Variants in ASB7 observed in about 807,000 individuals in gnomAD.
ASB7 encodes the protein ankyrin repeat and SOCS box protein 7.
ASB7 carries 4 observed loss-of-function variants against 32.5 expected under a neutral mutation model. The observed-to-expected ratio is 0.12, with a 90% CI of 0.06 to 0.28. The LOEUF is 0.28. Ranked by LOEUF, ASB7 falls within the 10% of genes least tolerant of loss-of-function variation. The probability of loss-of-function intolerance (pLI) is 1.00; values close to 1 mark genes in which losing one functional copy is unlikely to be tolerated. For synonymous variants in ASB7, 172 were observed against 155.6 expected, an observed-to-expected ratio of 1.11 and a Z score of -0.78; for missense variants, 181 against 407.1, an observed-to-expected ratio of 0.44 and a Z score of 4.78.
chr15:100,646,164 A>G, intron 5 of ASB7: 1 of 411,610 alleles, frequency 2.4e-6, no homozygotes, highest in Non-Finnish European at 4.8e-6. Flanking sequence ...ATAAGAGAAT[A>G]GTCTGATCCA....
intron 3 of ASB7, 22 bp from the exon 4 acceptor site, chr15:100,612,144 T>G (rs2039701677): frequency 1.5e-6 from 2 of 1,355,092 alleles, no homozygotes; most frequent in Non-Finnish European, 2.1e-6. Flanking sequence ...AATTTTACCT[T>G]TTCTACCTTC....
At chr15:100,612,087 T>C (rs913668777) in intron 3 of ASB7, 79 bp from the exon 4 acceptor site, 7 of 775,916 alleles carry the variant, frequency 9.0e-6, no homozygotes, top group Middle Eastern at 3.7e-4. Flanking sequence ...GCAAATGGAA[T>C]GTTCTGTGAT....
At chr15:100,615,782 G>A (rs1408366345) in intron 4 of ASB7, among the ~76,000 whole-genome samples, 1 of 152,156 alleles carries the variant, frequency 6.6e-6, no homozygotes, top group African/African-American at 2.4e-5. Context: ...TCCTCCTCTT[G>A]ATTTTTTCAC....
intron 4 of ASB7, among the ~76,000 whole-genome samples, chr15:100,622,768 A>T (rs910281075): frequency 6.6e-6 from 1 of 152,202 alleles, no homozygotes; most frequent in East Asian, 1.9e-4. Flanking sequence ...CCTGTCTCTC[A>T]CCATATGCAA....
Position 100,629,168 on chromosome 15 carries a change from T to C in ASB7, c.212-269T>C, listed in dbSNP as rs987320419. ...AAATTAGCAAAGACAGGGGATGTGG[T>C]GATCTGTACTCCGTGTTTTTTGTGT... On this transcript the variant is annotated intron_variant, in intron 4 of 5. Transcript: ENST00000332783. This position sits in a 1 kb window ranked among gnomAD's most constrained non-coding sequence, Gnocchi z 6.8. 3.3e-5 allele frequency among the ~76,000 whole-genome samples: 5 copies of C among 152,222 alleles called. No homozygotes were observed. The highest frequency in any genetic ancestry group is 1.2e-4 in the African/African-American group (5 of 41,454).
At position 100,609,772 on chromosome 15, in the gene ASB7, G is replaced by A. The variant is rs1048733999; in HGVS notation, c.-108G>A. ...GAAGCCCCTCCCCACGATGCTGTAC[G>A]TGCACAATGGTTACTAGGCAATCCG... is the stretch of plus-strand genomic sequence containing the variant. On this transcript the variant is annotated 5_prime_UTR_variant, in exon 3 of 6. The change creates a new upstream start codon in the 5' untranslated region. Coordinates refer to ENST00000332783, the MANE Select transcript of ASB7 (RefSeq NM_198243.3). 1.3e-5 allele frequency: 2 copies of A among 152,156 alleles called. No homozygotes were observed. The highest frequency in any genetic ancestry group is 2.9e-5 in the Non-Finnish European group (2 of 68,024). 9.4% of individuals were successfully genotyped at this position (152,156 alleles called of 1,614,324 possible).
Position 100,612,421 on chromosome 15 carries a change from C to A in ASB7, c.205C>A (p.His69Asn). The A allele has an allele frequency of 6.2e-7, 1 of 1,610,234 alleles. No individual in the cohort carries two copies. The highest frequency in any genetic ancestry group is 8.5e-7 in the Non-Finnish European group (1 of 1,176,342). ...AAGATGTGTTCGGGTTTTTCTAGAA[C>A]ACGGAGGTGAGTTTTGTAGAAGCAA... ...KERCVRVFLEHGADPTVKDLI... is the reference protein window; with the variant it reads ...KERCVRVFLENGADPTVKDLI... The change falls in exon 4 of 6, where the codon CAC (histidine) becomes AAC (asparagine). Residue 69 changes from histidine to asparagine, a missense_variant. By Grantham distance (68) the His-to-Asn change is moderately conservative. Transcript: ENST00000332783.
intron 2 of ASB7, among the ~76,000 whole-genome samples, chr15:100,607,547 C>T (rs112166695): frequency 4.2e-4 from 64 of 152,206 alleles, no homozygotes; most frequent in African/African-American, 1.3e-3. Context: ...TTCTGGTAAA[C>T]GTTGATGCAC....
intron 4 of ASB7, among the ~76,000 whole-genome samples, chr15:100,614,272 CAA>C (rs36083050): frequency 4.2e-4 from 37 of 88,494 alleles, no homozygotes; most frequent in Admixed American, 3.6e-4. Context: ...AAACTCTGCT[CAA>C]AAAAAAAAAA....
At chr15:100,631,056 T>C (rs1456923091) in intron 5 of ASB7, among the ~76,000 whole-genome samples, 1 of 152,186 alleles carries the variant, frequency 6.6e-6, no homozygotes, top group Non-Finnish European at 1.5e-5. Flanking sequence ...ACACATTTGC[T>C]TTATGAAGAA....
intron 4 of ASB7, among the ~76,000 whole-genome samples, chr15:100,613,344 A>C (rs1476205692): frequency 1.3e-5 from 2 of 152,264 alleles, no homozygotes; most frequent in Admixed American, 1.3e-4. Context: ...TATGAGGGTC[A>C]TGTGAATAAT....
intron 5 of ASB7, chr15:100,638,586 A>G (rs1197521607): frequency 6.6e-6 from 1 of 152,228 alleles, no homozygotes; most frequent in African/African-American, 2.4e-5. Flanking sequence ...GCAGTAACAT[A>G]TCAAAGGGGC....
intron 5 of ASB7, among the ~76,000 whole-genome samples, chr15:100,643,119 C>A (rs918674430): frequency 3.9e-5 from 6 of 152,034 alleles, no homozygotes; most frequent in Admixed American, 2.6e-4. Flanking sequence ...GGGAGCTCAG[C>A]CAGGGTTGTC....
chr15:100,608,382 A>T (rs535972658), intron 2 of ASB7, among the ~76,000 whole-genome samples: 1 of 152,352 alleles, frequency 6.6e-6, no homozygotes, highest in East Asian at 1.9e-4. Flanking sequence ...TGAACAACAG[A>T]TGTGTTTCTC....
intron 4 of ASB7, among the ~76,000 whole-genome samples, chr15:100,615,948 C>T (rs754682950): frequency 3.3e-5 from 5 of 152,176 alleles, no homozygotes; most frequent in Non-Finnish European, 7.4e-5. Flanking sequence ...CTTGAATGAT[C>T]GTGTTACATT....
chr15:100,629,884 T>G lies in ASB7; in HGVS notation c.659T>G (p.Leu220Ter). Residue 220 changes from leucine (L) to a stop codon, truncating the protein, a stop_gained, in exon 5 of 6, where the codon TTA (leucine) becomes TGA (stop). Coordinates refer to ENST00000332783, the MANE Select transcript of ASB7 (RefSeq NM_198243.3). LOFTEE classifies it high-confidence loss of function. This position sits in a 1 kb window ranked among gnomAD's most constrained non-coding sequence, Gnocchi z 6.8. ...GAAGACGGACAGACTCCTTTACACT[T>G]ATCTGCCCTTAGGGATGATGTGCTG... Reference protein sequence around the residue: ...RLEDGQTPLHLSALRDDVLCA... With the variant: ...RLEDGQTPLH The G allele has an allele frequency of 6.2e-7, 1 of 1,614,194 alleles. No individual in the cohort carries two copies. Among genetic ancestry groups the G allele is most frequent in the Non-Finnish European group, 8.5e-7 (1 of 1,180,010 alleles).
intron 4 of ASB7, among the ~76,000 whole-genome samples, chr15:100,621,938 C>G (rs1211741070): frequency 6.7e-6 from 1 of 150,148 alleles, no homozygotes; most frequent in Non-Finnish European, 1.5e-5. Flanking sequence ...TATTGGAAAT[C>G]CTAGCCAGAG....
chr15:100,629,561 A>G lies in ASB7; in HGVS notation c.336A>G (p.Ala112=), dbSNP rs2039867802. The change falls in exon 5 of 6, where the codon GCA becomes GCG. Residue 112 remains alanine, a synonymous_variant. Coordinates refer to ENST00000332783, the MANE Select transcript of ASB7 (RefSeq NM_198243.3). The surrounding 1 kb of genome is among the most constrained non-coding windows in gnomAD (Gnocchi z 6.8). The part of the protein sequence containing the change: ...ESEYRSDIIN[A]KSNDGWTPLH... ...AATACAGGAGCGACATCATTAATGC[A>G]AAAAGCAATGACGGCTGGACTCCCC... 1 of 1,614,246 alleles carries G rather than the reference A, an allele frequency of 6.2e-7. No individual in the cohort carries two copies. Among genetic ancestry groups the G allele is most frequent in the East Asian group, 2.2e-5 (1 of 44,894 alleles).
At chr15:100,610,528 A>G (rs961762122) in intron 3 of ASB7, among the ~76,000 whole-genome samples, 2 of 151,898 alleles carry the variant, frequency 1.3e-5, no homozygotes, top group African/African-American at 4.8e-5. Flanking sequence ...GTTTATTCCC[A>G]TATTTCTCTG....
Sources: allele counts gnomAD v4.1 joint callset (sites outside exome capture counted in the v4.1 genomes callset), GRCh38; gene constraint gnomAD v4.1.1; non-coding constraint Gnocchi (gnomAD v3.1); transcripts MANE v1.5; gene names NCBI Gene and HGNC (gene_info 2026-07-23, HGNC 2026-07-21).